Variants in CFAP91 observed in about 807,000 individuals in gnomAD.
The protein encoded by CFAP91 is cilia- and flagella-associated protein 91.
In CFAP91, 85 loss-of-function variants were observed where a neutral mutation model predicts 95.9. That is an observed-to-expected ratio of 0.89 (90% CI 0.74 to 1.06). CFAP91 has a LOEUF of 1.06. Among genes scored for constraint, CFAP91 ranks in the 50% least tolerant of loss-of-function variants. CFAP91 has a pLI of 0.00. For missense variants in CFAP91, 962 were observed against 943.4 expected (o/e 1.02, Z -0.26); for synonymous variants, 335 against 327.5 (o/e 1.02, Z -0.25).
chr3:119,729,959 C>T (rs1355765066), intron 7 of CFAP91, among the ~76,000 whole-genome samples: 1 of 152,162 alleles, frequency 6.6e-6, no homozygotes, highest in African/African-American at 2.4e-5. Flanking sequence ...CTAGAGAGCC[C>T]TTCTTTTACC....
chr3:119,703,764 G>A (rs2053306219), intron 1 of CFAP91, among the ~76,000 whole-genome samples: 1 of 152,086 alleles, frequency 6.6e-6, no homozygotes, highest in South Asian at 2.1e-4. Flanking sequence ...TAACGGCTTG[G>A]TTGTCCATTT....
At chr3:119,717,734 G>A (rs981869583) in intron 6 of CFAP91, among the ~76,000 whole-genome samples, 64 of 152,168 alleles carry the variant, frequency 4.2e-4, no homozygotes, top group African/African-American at 1.5e-3. Flanking sequence ...TGTCATGCAT[G>A]CCCGTGATTA....
chr3:119,715,708 T>C lies in CFAP91; in HGVS notation c.647T>C (p.Ile216Thr). 1 of 1,614,092 alleles carries C rather than the reference T, an allele frequency of 6.2e-7. No individual in the cohort carries two copies. The highest frequency in any genetic ancestry group is 8.5e-7 in the Non-Finnish European group (1 of 1,179,948). ...GAATATGTAGTATGTCAGGACTCAA[T>C]CCCTGAGCTCTTGACCCTGGCTACG... Reference protein sequence around the residue: ...SAEYVVCQDSIPELLTLATLT... With the variant: ...SAEYVVCQDSTPELLTLATLT... Residue 216 changes from isoleucine (I) to threonine (T), a missense_variant, in exon 6 of 18, where the codon ATC (isoleucine) becomes ACC (threonine). Coordinates refer to ENST00000273390, the MANE Select transcript of CFAP91 (RefSeq NM_033364.4).
intron 6 of CFAP91, among the ~76,000 whole-genome samples, chr3:119,721,780 C>T (rs768509950): frequency 7.2e-5 from 11 of 152,166 alleles, no homozygotes; most frequent in Non-Finnish European, 1.2e-4. Flanking sequence ...TATTTGCACA[C>T]GTGCTCTCTT....
intron 13 of CFAP91, 59 bp downstream of exon 13, chr3:119,740,754 C>T (rs897257979): frequency 6.6e-7 from 1 of 1,518,236 alleles, no homozygotes; most frequent in African/African-American, 1.4e-5. Context: ...TTGATTTTAT[C>T]ATCACACAGC....
intron 16 of CFAP91, among the ~76,000 whole-genome samples, chr3:119,749,745 A>G (rs2054291467): frequency 6.6e-6 from 1 of 152,202 alleles, no homozygotes; most frequent in Admixed American, 6.5e-5. Context: ...AATGAGAACC[A>G]TATGTATTAT....
intron 16 of CFAP91, among the ~76,000 whole-genome samples, chr3:119,749,472 C>T (rs1034414839): frequency 3.3e-5 from 5 of 151,694 alleles, no homozygotes; most frequent in African/African-American, 4.8e-5. Context: ...TGCAGTGAGC[C>T]GAGATTGTGC....
chr3:119,727,539 A>G (rs1280387139), intron 7 of CFAP91, among the ~76,000 whole-genome samples: 2 of 152,204 alleles, frequency 1.3e-5, no homozygotes, highest in Non-Finnish European at 2.9e-5. Context: ...TTTACATGCT[A>G]GACTCTGTGC....
chr3:119,730,384 G>C lies in CFAP91; in HGVS notation c.1018+7G>C. ...CAGCGCACGCATGTATCAAGTAATG[G>C]TGTAGTATGAACAATGAAGACGGTG... is the stretch of plus-strand genomic sequence containing the variant. On this transcript the variant is annotated splice_region_variant and intron_variant, in intron 8 of 17. Transcript: ENST00000273390. 1 of 1,612,618 alleles carries C rather than the reference G, an allele frequency of 6.2e-7. No individual in the cohort carries two copies. Among genetic ancestry groups the C allele is most frequent in the Non-Finnish European group, 8.5e-7 (1 of 1,179,452 alleles).
intron 17 of CFAP91, among the ~76,000 whole-genome samples, chr3:119,764,460 A>T (rs577195290): frequency 1.3e-5 from 2 of 152,282 alleles, no homozygotes; most frequent in East Asian, 3.9e-4. Context: ...TATGGGCTTT[A>T]TGTAATTGAA....
intron 7 of CFAP91, among the ~76,000 whole-genome samples, chr3:119,727,933 T>C (rs556420102): frequency 1.3e-5 from 2 of 152,110 alleles, no homozygotes; most frequent in South Asian, 4.2e-4. Flanking sequence ...TTTTGCACCG[T>C]CTCCTTGCCC....
intron 7 of CFAP91, among the ~76,000 whole-genome samples, chr3:119,726,763 G>T (rs902226684): frequency 2.6e-5 from 4 of 151,864 alleles, no homozygotes; most frequent in African/African-American, 9.7e-5. Context: ...CCAGTGCCTG[G>T]GCTTTCTTCA....
At chr3:119,738,332 C>CTTTTTGTTTT (rs2054049859) in intron 11 of CFAP91, among the ~76,000 whole-genome samples, 2 of 23,040 alleles carry the variant, frequency 8.7e-5, no homozygotes, top group East Asian at 2.0e-3. Context: ...GACATATTGT[C>CTTTTTGTTTT]TTTTTTTTTT....
At position 119,747,187 on chromosome 3, in the gene CFAP91, G is replaced by T. The variant is rs767200769; in HGVS notation, c.1975G>T (p.Ala659Ser). 5 of 1,613,886 alleles carry T rather than the reference G, an allele frequency of 3.1e-6. No homozygotes were observed. The highest frequency in any genetic ancestry group is 4.2e-6 in the Non-Finnish European group (5 of 1,179,844). ...DIILNTEANT[A>S]EEQARAEIEK... ...AATACTGAATACCGAAGCGAATACT[G>T]CAGAAGAACAAGCCAGGGCAGAAAT... The change falls in exon 15 of 18, where the codon GCA becomes TCA. Residue 659 changes from alanine (A) to serine (S), a missense_variant. Transcript: ENST00000273390.
intron 10 of CFAP91, among the ~76,000 whole-genome samples, chr3:119,733,883 A>G (rs148883787): frequency 6.6e-6 from 1 of 152,306 alleles, no homozygotes; most frequent in East Asian, 1.9e-4. Context: ...ATGAAGAAAA[A>G]GAGTCATGTT....
Position 119,747,220 on chromosome 3 carries a change from A to G in CFAP91, c.2008A>G (p.Met670Val). The G allele has an allele frequency of 6.2e-7, 1 of 1,613,846 alleles. No homozygotes were observed. Among genetic ancestry groups the G allele is most frequent in the East Asian group, 2.2e-5 (1 of 44,852 alleles). Residue 670 changes from methionine (M) to valine (V), a missense_variant, in exon 15 of 18, where the codon ATG (methionine) becomes GTG (valine). By Grantham distance (21) the Met-to-Val change is conservative. Coordinates refer to ENST00000273390, the MANE Select transcript of CFAP91 (RefSeq NM_033364.4). ...ACAAGCCAGGGCAGAAATAGAGAAG[A>G]TGGCTGAGAAAATCAATGACATTGC... ...EEQARAEIEKMAEKINDIAYE... is the reference protein window; with the variant it reads ...EEQARAEIEKVAEKINDIAYE...
chr3:119,763,293 T>C (rs145485602), intron 17 of CFAP91, among the ~76,000 whole-genome samples: 50 of 152,102 alleles, frequency 3.3e-4, no homozygotes, highest in African/African-American at 1.1e-3. Context: ...ACTGTTAGAA[T>C]GGCTATTATC....
chr3:119,754,137 TC>T (rs1171943266), intron 17 of CFAP91, among the ~76,000 whole-genome samples: 1 of 152,182 alleles, frequency 6.6e-6, no homozygotes, highest in East Asian at 1.9e-4. Context: ...TGAGGGTGAT[TC>T]TGGTGAGTTG....
At chr3:119,758,325 T>G (rs1251160028) in intron 17 of CFAP91, among the ~76,000 whole-genome samples, 1 of 152,242 alleles carries the variant, frequency 6.6e-6, no homozygotes, top group Non-Finnish European at 1.5e-5. Flanking sequence ...AAAACTTACA[T>G]GCAGAGCTTA....
Sources: gnomAD v4.1 joint callset for allele counts (sites outside exome capture counted in the v4.1 genomes callset) on GRCh38, gnomAD v4.1.1 for gene constraint, MANE v1.5 for transcripts, NCBI Gene and HGNC (gene_info 2026-07-23, HGNC 2026-07-21) for gene names.